Variants in EFCAB6 observed in about 807,000 individuals in gnomAD.
The protein encoded by EFCAB6 is EF-hand calcium binding domain 6.
In EFCAB6, 156 loss-of-function variants were observed where a neutral mutation model predicts 169.8. The ratio of observed to expected loss-of-function variants is 0.92; its 90% confidence interval spans 0.81 to 1.05. The LOEUF (loss-of-function observed/expected upper bound fraction) is 1.05, where lower values mean the gene tolerates loss of function less well. Among genes scored for constraint, EFCAB6 ranks in the 50% least tolerant of loss-of-function variants. The probability of loss-of-function intolerance (pLI) is 0.00; values close to 1 mark genes in which losing one functional copy is unlikely to be tolerated. For synonymous variants in EFCAB6, 698 were observed against 676.4 expected, an observed-to-expected ratio of 1.03 and a Z score of -0.50; for missense variants, 1,800 against 1,829.1, an observed-to-expected ratio of 0.98 and a Z score of 0.29.
chr22:43,787,841 G>A (rs5764297), intron 2 of EFCAB6, among the ~76,000 whole-genome samples: 12,305 of 152,172 alleles, frequency 0.081, 661 homozygotes, highest in South Asian at 0.2. Context: ...TATACTTCCC[G>A]ATTTCAAAAC....
At chr22:43,812,137 A>T (rs2063154468) in intron 1 of EFCAB6, 31 bp downstream of exon 1, 1 of 144,652 alleles carries the variant, frequency 6.9e-6, no homozygotes, top group Admixed American at 6.8e-5. Flanking sequence ...GGCCTGTCGC[A>T]CGCGCGTGGC....
intron 6 of EFCAB6, among the ~76,000 whole-genome samples, chr22:43,752,116 A>T (rs1248685542): frequency 5.3e-4 from 66 of 123,408 alleles, no homozygotes; most frequent in Admixed American, 8.8e-4. Flanking sequence ...TCTCCTTTCC[A>T]TTTTTTTTTT....
intron 24 of EFCAB6, among the ~76,000 whole-genome samples, chr22:43,585,361 A>G (rs1237710334): frequency 6.6e-6 from 1 of 152,094 alleles, no homozygotes; most frequent in African/African-American, 2.4e-5. Context: ...CAGACCGGAC[A>G]TGGTTGAGGA....
At chr22:43,655,628 CA>C (rs2056700382) in intron 17 of EFCAB6, among the ~76,000 whole-genome samples, 1 of 151,278 alleles carries the variant, frequency 6.6e-6, no homozygotes, top group African/African-American at 2.4e-5. Flanking sequence ...ATTACAATGA[CA>C]GATATAAAGC....
intron 10 of EFCAB6, 40 bp from the exon 11 acceptor site, chr22:43,687,621 A>AT (rs202140029): frequency 7.0e-6 from 9 of 1,287,738 alleles, no homozygotes; most frequent in Middle Eastern, 2.1e-4. Flanking sequence ...TACTTTAAAC[A>AT]TTTTTTCTAT....
intron 6 of EFCAB6, among the ~76,000 whole-genome samples, chr22:43,753,663 G>C (rs377048414): frequency 1.1e-4 from 16 of 152,298 alleles, no homozygotes; most frequent in South Asian, 4.1e-4. Flanking sequence ...CTGTGAAGAA[G>C]AGAGAGGCTG....
intron 26 of EFCAB6, among the ~76,000 whole-genome samples, chr22:43,571,653 A>C (rs1396368521): frequency 2.0e-5 from 3 of 152,090 alleles, no homozygotes; most frequent in African/African-American, 7.2e-5. Context: ...ATTCTTCTTT[A>C]TTCAGACAAA....
intron 8 of EFCAB6, among the ~76,000 whole-genome samples, chr22:43,722,116 C>A (rs1313595859): frequency 6.6e-6 from 1 of 152,108 alleles, no homozygotes; most frequent in African/African-American, 2.4e-5. Context: ...AAGAAGAAGA[C>A]ATACACACGG....
intron 19 of EFCAB6, among the ~76,000 whole-genome samples, chr22:43,629,790 G>C (rs1413997850): frequency 6.6e-6 from 1 of 152,106 alleles, no homozygotes; most frequent in Non-Finnish European, 1.5e-5. Flanking sequence ...GGCAGGAAAG[G>C]GTGAGGGGGT....
rs74546443 is a variant in EFCAB6, at chr22:43,794,887, G to C, written c.-7-12562C>G. Among the ~76,000 whole-genome samples, 486 of 152,094 alleles carry C rather than the reference G, an allele frequency of 3.2e-3. 2 individuals are homozygous for C. Among genetic ancestry groups the C allele is most frequent in the African/African-American group, 0.011 (468 of 41,478 alleles). The stretch of plus-strand genomic sequence containing the variant: ...TTTACAAATATATTCCAAATGATAG[G>C]GTATCACAAAAAACAATTTAGCCAG... On this transcript the variant is annotated intron_variant, in intron 2 of 31. Coordinates refer to ENST00000262726, the MANE Select transcript of EFCAB6 (RefSeq NM_022785.4).
intron 7 of EFCAB6, 131 bp from the exon 8 acceptor site, chr22:43,731,942 A>G (rs950006132): frequency 1.2e-5 from 6 of 509,068 alleles, no homozygotes; most frequent in African/African-American, 2.0e-5. Flanking sequence ...AGGGAATTAA[A>G]AAGTAAACCC....
At chr22:43,743,991 AT>A (rs2060467446) in intron 6 of EFCAB6, among the ~76,000 whole-genome samples, 1 of 81,872 alleles carries the variant, frequency 1.2e-5, no homozygotes, top group Non-Finnish European at 2.9e-5. Flanking sequence ...AGATAGGTAA[AT>A]GGATGAATGA....
At chr22:43,809,659 G>T (rs760825214) in intron 1 of EFCAB6, among the ~76,000 whole-genome samples, 1 of 152,208 alleles carries the variant, frequency 6.6e-6, no homozygotes, top group Non-Finnish European at 1.5e-5. Context: ...CTAGGCTGGA[G>T]TGCAATGGTG....
In EFCAB6 at chr22:43,537,926, C is replaced by T. The variant is rs34659470; in HGVS notation, c.3880-381G>A. ...GGATTTACTTGTCCTGGGCACAAGA[C>T]ATCCAATCCGTAAACATTCACAGAA... On this transcript the variant is annotated intron_variant, in intron 28 of 31. Transcript: ENST00000262726. The surrounding 1 kb of genome is among the most constrained non-coding windows in gnomAD (Gnocchi z 4.3). Among the ~76,000 whole-genome samples the T allele has an allele frequency of 0.13, 20,389 of 152,156 alleles. 1,479 individuals are homozygous for T. The highest frequency in any genetic ancestry group is 0.17 in the Non-Finnish European group (11,246 of 68,004).
At chr22:43,787,389 GAACT>G (rs1201685617) in intron 2 of EFCAB6, among the ~76,000 whole-genome samples, 2 of 146,332 alleles carry the variant, frequency 1.4e-5, no homozygotes, top group African/African-American at 5.1e-5. Context: ...CACACAATTA[GAACT>G]AATAAACAAG....
At chr22:43,605,715 A>T (rs1463004452) in intron 22 of EFCAB6, among the ~76,000 whole-genome samples, 1 of 152,150 alleles carries the variant, frequency 6.6e-6, no homozygotes. Context: ...GCACTGCATG[A>T]TGAACGTATT....
intron 19 of EFCAB6, among the ~76,000 whole-genome samples, chr22:43,629,708 C>A (rs1430989191): frequency 1.3e-5 from 2 of 152,052 alleles, no homozygotes; most frequent in Non-Finnish European, 2.9e-5. Flanking sequence ...AGGACAGAAG[C>A]TTGGGGAGGA....
chr22:43,796,543 C>T (rs1034784297), intron 2 of EFCAB6, among the ~76,000 whole-genome samples: 1 of 152,176 alleles, frequency 6.6e-6, no homozygotes, highest in East Asian at 1.9e-4. Context: ...ACCCACCACA[C>T]CTGATGTGAT....
In EFCAB6 at chr22:43,615,825, C is replaced by T. The variant is rs1330166441; in HGVS notation, c.2562+1G>A. ...TTTTAAGGAAATAATCATTTTCTTACCTTAGACAAGTCTGACCATCTGTTT... is the reference window on the plus strand; with the variant it reads ...TTTTAAGGAAATAATCATTTTCTTATCTTAGACAAGTCTGACCATCTGTTT... On this transcript the variant is annotated splice_donor_variant, in intron 21 of 31. Coordinates refer to ENST00000262726, the MANE Select transcript of EFCAB6 (RefSeq NM_022785.4). LOFTEE classifies it high-confidence loss of function. 1.2e-6 allele frequency: 2 copies of T among 1,611,114 alleles called. No homozygotes were observed. The highest frequency in any genetic ancestry group is 1.3e-5 in the African/African-American group (1 of 74,938).
Sources: gnomAD v4.1 joint callset for allele counts (sites outside exome capture counted in the v4.1 genomes callset) on GRCh38, gnomAD v4.1.1 for gene constraint, Gnocchi (gnomAD v3.1) non-coding constraint, MANE v1.5 for transcripts, NCBI Gene and HGNC (gene_info 2026-07-23, HGNC 2026-07-21) for gene names.